SLC25A22: variants seen among roughly 807,000 people sequenced by gnomAD.
The protein encoded by SLC25A22 is solute carrier family 25 member 22.
Under a neutral mutation model 33.7 loss-of-function variants are expected in SLC25A22, and 23 were observed. That is an observed-to-expected ratio of 0.68 (90% CI 0.49 to 0.97). The LOEUF (loss-of-function observed/expected upper bound fraction) is 0.97, where lower values mean the gene tolerates loss of function less well. Ranked by LOEUF, SLC25A22 falls within the 50% of genes least tolerant of loss-of-function variation. The pLI, the probability that SLC25A22 is intolerant of heterozygous loss-of-function variation, is 0.00. For missense variants in SLC25A22, 390 were observed against 451.1 expected, an observed-to-expected ratio of 0.86 and a Z score of 1.23; for synonymous variants, 245 against 203.8, an observed-to-expected ratio of 1.20 and a Z score of -1.72.
At position 792,449 on chromosome 11, in the gene SLC25A22, G is replaced by C. The variant is rs756261007; in HGVS notation, c.597C>G (p.Pro199=). 10 of 1,613,302 alleles carry C rather than the reference G, an allele frequency of 6.2e-6. No homozygotes were observed. The South Asian group carries it at 1.1e-4, about 18-fold the overall frequency. Reference sequence around the variant, plus strand: ...AGAGCGGGAAGTACACCACAGAGAAGGGGACATCCCTGTGGGGAGGGAGGT... The same window carrying C: ...AGAGCGGGAAGTACACCACAGAGAACGGGACATCCCTGTGGGGAGGGAGGT... ...GLGATLLRDV[P]FSVVYFPLFA... The change falls in exon 8 of 10, where the codon CCC becomes CCG. Residue 199 remains proline (P), a synonymous_variant. Transcript: ENST00000628067.
chr11:794,166 T>C (rs1471969760), intron 4 of SLC25A22: 16 of 681,844 alleles, frequency 2.3e-5, no homozygotes, highest in Middle Eastern at 2.3e-4. Context: ...GGGTCCAGCC[T>C]GGCCCAGAAG....
rs1168502556 is a variant in SLC25A22 at position 792,042 on chromosome 11, G to A, written c.845C>T (p.Ser282Leu). The A allele has an allele frequency of 1.1e-5, 17 of 1,601,490 alleles. No individual in the cohort carries two copies. The highest frequency in any genetic ancestry group is 2.7e-5 in the African/African-American group (2 of 74,708). The part of the protein sequence containing the change: ...ARKILRHEGP[S>L]AFLKGAYCRA... The stretch of plus-strand genomic sequence containing the variant: ...GCAGTAGGCGCCCTTCAGGAAGGCC[G>A]AGGGGCCCTCGTGCCGCAGGATCTT... Residue 282 changes from serine to leucine, a missense_variant, in exon 10 of 10, where the codon TCG becomes TTG. Physicochemically the swap from Ser to Leu is moderately radical, Grantham distance 145. Coordinates refer to ENST00000628067, the MANE Select transcript of SLC25A22 (RefSeq NM_001191061.2).
In SLC25A22 at chr11:798,079, G is replaced by C. The variant is rs994408767; in HGVS notation, c.-164+138C>G. The C allele has an allele frequency of 1.5e-3, 596 of 398,252 alleles. 1 individual carries two copies. Among genetic ancestry groups the C allele is most frequent in the Non-Finnish European group, 2.2e-3 (497 of 225,828 alleles). 24.7% of individuals were successfully genotyped at this position (398,252 alleles called of 1,614,324 possible). ...GCGGATCGGAGCATCCGCTGGTCCA[G>C]GACCCCCCCTCCCGCCCGCCAGGCC... On this transcript the variant is annotated intron_variant, in intron 1 of 9. Coordinates refer to ENST00000628067, the MANE Select transcript of SLC25A22 (RefSeq NM_001191061.2).
At chr11:794,110 C>T in intron 4 of SLC25A22, 1 of 584,448 alleles carries the variant, frequency 1.7e-6, no homozygotes. Flanking sequence ...TCCTAAGCTG[C>T]TTTGCGGTAA....
In SLC25A22 at chr11:792,883, A is replaced by G. The variant is rs1435339202; in HGVS notation, c.399T>C (p.Asp133=). The G allele has an allele frequency of 7.0e-7, 1 of 1,425,340 alleles. No homozygotes were observed. The highest frequency in any genetic ancestry group is 1.9e-5 in the Admixed American group (1 of 52,394). 88.3% of individuals were successfully genotyped at this position (1,425,340 alleles called of 1,614,324 possible). A position where few individuals can be genotyped will look rare whatever the true frequency, so the allele number is the denominator to read the frequency against. Residue 133 remains aspartate, a synonymous_variant, in exon 6 of 10, where the codon GAT becomes GAC. Transcript: ENST00000628067. ...CCCCGCCCTCACCAATGCGCCCTGC[A>G]TCCTGCAGCTGGATCTTCAGCATCT... The part of the protein sequence containing the change: ...PMEMLKIQLQ[D]AGRIAAQRKI...
intron 4 of SLC25A22, 53 bp downstream of exon 4, chr11:794,405 C>T (rs547622212): frequency 2.9e-5 from 46 of 1,590,788 alleles, no homozygotes; most frequent in East Asian, 6.9e-5. Flanking sequence ...TGCCACGACT[C>T]GCGGGCGCTA....
At chr11:797,481 A>T in intron 1 of SLC25A22, 1 of 397,254 alleles carries the variant, frequency 2.5e-6, no homozygotes, top group Non-Finnish European at 4.4e-6. Context: ...CTTCATAGTC[A>T]GGTGAACTGA....
At chr11:794,310 G>A in intron 4 of SLC25A22, 148 bp downstream of exon 4, 3 of 940,610 alleles carry the variant, frequency 3.2e-6, no homozygotes, top group Non-Finnish European at 3.3e-6. Context: ...AGTCCCCCCT[G>A]CACAGGCACA....
At position 796,607 on chromosome 11, in the gene SLC25A22, C is replaced by A. The variant is rs142157287; in HGVS notation, c.-163-1438G>T. 7.5e-4 allele frequency among the ~76,000 whole-genome samples: 114 copies of A among 152,300 alleles called. No individual in the cohort carries two copies. In the Middle Eastern group the frequency reaches 0.017, roughly 23 times the overall value. ...CCTGTATGTACCTGGACAGGGAATCCGGTGCTGTGGAGCAGAGATGGGCTA... is the reference window on the plus strand; with the variant it reads ...CCTGTATGTACCTGGACAGGGAATCAGGTGCTGTGGAGCAGAGATGGGCTA... On this transcript the variant is annotated intron_variant, in intron 1 of 9. Coordinates refer to ENST00000628067, the MANE Select transcript of SLC25A22 (RefSeq NM_001191061.2).
rs377220453 is a variant in SLC25A22, at chr11:791,584, C to A, written c.*331G>T. 6 of 413,462 alleles carry A rather than the reference C, an allele frequency of 1.5e-5. No individual in the cohort carries two copies. Among genetic ancestry groups the A allele is most frequent in the African/African-American group, 8.1e-5 (4 of 49,438 alleles). 25.6% of individuals were successfully genotyped at this position (413,462 alleles called of 1,614,324 possible). A position where few individuals can be genotyped will look rare whatever the true frequency, so the allele number is the denominator to read the frequency against. Reference sequence around the variant, plus strand: ...TGGACTGGGGGTATGGTCCAGCCTGCCCGGCCCAGGCCCGGGGGCCCCCAG... The same window carrying A: ...TGGACTGGGGGTATGGTCCAGCCTGACCGGCCCAGGCCCGGGGGCCCCCAG... On this transcript the variant is annotated 3_prime_UTR_variant, in exon 10 of 10. Transcript: ENST00000628067.
chr11:791,971 A>C lies in SLC25A22; in HGVS notation c.916T>G (p.Tyr306Asp). The C allele has an allele frequency of 6.2e-7, 1 of 1,608,690 alleles. No individual in the cohort carries two copies. The highest frequency in any genetic ancestry group is 8.5e-7 in the Non-Finnish European group (1 of 1,179,616). Residue 306 changes from tyrosine (Y) to aspartate (D), a missense_variant, in exon 10 of 10, where the codon TAC becomes GAC. Transcript: ENST00000628067. ...AGGGACTCCGCGATGCCCAGGAAGTAGACCACCTGTGCGATGCCGAAAAGG... is the reference window on the plus strand; with the variant it reads ...AGGGACTCCGCGATGCCCAGGAAGTCGACCACCTGTGCGATGCCGAAAAGG... ...APLFGIAQVVYFLGIAESLLG... is the reference protein window; with the variant it reads ...APLFGIAQVVDFLGIAESLLG...
At chr11:797,611 C>A (rs1479071097) in intron 1 of SLC25A22, 27 of 398,532 alleles carry the variant, frequency 6.8e-5, no homozygotes, top group Non-Finnish European at 8.4e-5. Flanking sequence ...GCTCCTCCTA[C>A]CCCCAAGAAA....
intron 1 of SLC25A22, 59 bp from the exon 2 acceptor site, chr11:795,228 C>T (rs1864744359): frequency 1.5e-6 from 1 of 661,900 alleles, no homozygotes; most frequent in Admixed American, 2.1e-5. Flanking sequence ...AGTAATCCTC[C>T]CCCAGCCTCC....
chr11:796,969 G>C (rs1173481885), intron 1 of SLC25A22, among the ~76,000 whole-genome samples: 1 of 152,132 alleles, frequency 6.6e-6, no homozygotes, highest in African/African-American at 2.4e-5. Context: ...CACTCTTCGG[G>C]TGCAGACTGG....
intron 5 of SLC25A22, 60 bp downstream of exon 5, chr11:793,469 G>A (rs1864640170): frequency 1.5e-5 from 23 of 1,537,554 alleles, no homozygotes; most frequent in Non-Finnish European, 2.0e-5. Flanking sequence ...CTGGCAGGGT[G>A]GACCCATCCT....
In SLC25A22 at chr11:794,527, G is replaced by A. The variant is rs1565039361; in HGVS notation, c.147-14C>T. On this transcript the variant is annotated splice_polypyrimidine_tract_variant and intron_variant, in intron 3 of 9. Transcript: ENST00000628067. ...AGGCAGTCGGACCTGTGGCCAAGGGGACAGGGTGAGCCAGGGCCAGCTGGG... is the reference window on the plus strand; with the variant it reads ...AGGCAGTCGGACCTGTGGCCAAGGGAACAGGGTGAGCCAGGGCCAGCTGGG... 6.2e-7 allele frequency: 1 copy of A among 1,611,642 alleles called. No homozygotes were observed. Among genetic ancestry groups the A allele is most frequent in the South Asian group, 1.1e-5 (1 of 90,816 alleles).
intron 1 of SLC25A22, among the ~76,000 whole-genome samples, chr11:796,894 G>T (rs1324747364): frequency 3.9e-5 from 6 of 152,172 alleles, no homozygotes; most frequent in Non-Finnish European, 8.8e-5. Flanking sequence ...TCAGCCAGTG[G>T]TGGTGACAAG....
chr11:792,544 GCCT>G lies in SLC25A22; in HGVS notation c.587+6_587+8del. On this transcript the variant is annotated splice_donor_region_variant and intron_variant, in intron 7 of 9. Coordinates refer to ENST00000628067, the MANE Select transcript of SLC25A22 (RefSeq NM_001191061.2). ...CCTTCCCTCCCCCCACCTGCCCTGT[GCCT>G]CCTACCTGAGCAGCGTGGCCCCGAG... 2 of 1,612,310 alleles carry G rather than the reference GCCT, an allele frequency of 1.2e-6. No individual in the cohort carries two copies. Among genetic ancestry groups the G allele is most frequent in the Non-Finnish European group, 1.7e-6 (2 of 1,179,764 alleles).
At position 792,237 on chromosome 11, in the gene SLC25A22, C is replaced by T; in HGVS notation, c.743-20G>A. The T allele has an allele frequency of 6.2e-7, 1 of 1,612,936 alleles. No individual in the cohort carries two copies. The highest frequency in any genetic ancestry group is 8.5e-7 in the Non-Finnish European group (1 of 1,179,928). On this transcript the variant is annotated intron_variant, in intron 8 of 9. Coordinates refer to ENST00000628067, the MANE Select transcript of SLC25A22 (RefSeq NM_001191061.2). ...TCACCACTGCAAGGGGCGCTCGGGT[C>T]AGTGTGAGCCTGGCCAAGGGCTCAG...
Sources: gnomAD v4.1 joint callset for allele counts (sites outside exome capture counted in the v4.1 genomes callset) on GRCh38, gnomAD v4.1.1 for gene constraint, MANE v1.5 for transcripts, NCBI Gene and HGNC (gene_info 2026-07-23, HGNC 2026-07-21) for gene names.